Variants in TNR observed in about 807,000 individuals in gnomAD.
TNR encodes the protein tenascin-R.
In TNR, 45 loss-of-function variants were observed where a neutral mutation model predicts 150.4. That is an observed-to-expected ratio of 0.30 (90% CI 0.24 to 0.38). The LOEUF (loss-of-function observed/expected upper bound fraction) is 0.38, where lower values mean the gene tolerates loss of function less well. Among genes scored for constraint, TNR ranks in the 10% least tolerant of loss-of-function variants. The pLI is 1.00. For synonymous variants in TNR, 687 were observed against 678.4 expected (o/e 1.01, Z -0.20); for missense variants, 1,544 against 1,759.1 (o/e 0.88, Z 2.19).
At chr1:175,438,926 TATC>T (rs945460017) in intron 2 of TNR, among the ~76,000 whole-genome samples, 28 of 152,186 alleles carry the variant, frequency 1.8e-4, no homozygotes, top group Non-Finnish European at 3.2e-4. Context: ...GAAGAATCAA[TATC>T]ATGAAAATGG....
At chr1:175,586,499 C>T (rs1212020952) in intron 1 of TNR, among the ~76,000 whole-genome samples, 1 of 152,146 alleles carries the variant, frequency 6.6e-6, no homozygotes, top group East Asian at 1.9e-4. Context: ...CAAGGTTTCA[C>T]CACGTTGGCC....
intron 1 of TNR, among the ~76,000 whole-genome samples, chr1:175,646,480 T>A (rs1446118758): frequency 6.6e-6 from 1 of 152,166 alleles, no homozygotes; most frequent in Admixed American, 6.5e-5. Flanking sequence ...CATTAGAGAC[T>A]CCCTCTTGTA....
chr1:175,339,956 T>C (rs911691689), intron 18 of TNR, among the ~76,000 whole-genome samples: 2 of 152,238 alleles, frequency 1.3e-5, no homozygotes, highest in Non-Finnish European at 2.9e-5. Context: ...TCAAACATAT[T>C]AGTTGCTTTA....
intron 1 of TNR, among the ~76,000 whole-genome samples, chr1:175,661,052 C>T (rs1359947843): frequency 1.3e-5 from 2 of 152,154 alleles, no homozygotes; most frequent in African/African-American, 2.4e-5. Flanking sequence ...TGGGTTTGGG[C>T]GGTGCCCCCA....
intron 1 of TNR, among the ~76,000 whole-genome samples, chr1:175,595,175 A>T (rs1662960874): frequency 6.6e-6 from 1 of 152,200 alleles, no homozygotes; most frequent in African/African-American, 2.4e-5. Context: ...TCAAAAAAAA[A>T]TTATTTTAGG....
At chr1:175,688,320 C>T (rs973620817) in intron 1 of TNR, among the ~76,000 whole-genome samples, 1 of 152,206 alleles carries the variant, frequency 6.6e-6, no homozygotes, top group Non-Finnish European at 1.5e-5. Flanking sequence ...TCAGAATCAG[C>T]CCTGACTTAA....
chr1:175,496,853 A>T (rs575310869), intron 2 of TNR, among the ~76,000 whole-genome samples: 1 of 152,328 alleles, frequency 6.6e-6, no homozygotes, highest in East Asian at 1.9e-4. Context: ...TCCTCATAAC[A>T]ACCCTGTGAG....
intron 1 of TNR, among the ~76,000 whole-genome samples, chr1:175,675,570 T>C (rs760322307): frequency 2.6e-5 from 4 of 152,194 alleles, no homozygotes; most frequent in Non-Finnish European, 5.9e-5. Context: ...CAGAAGCATG[T>C]AAGGTGTACA....
intron 21 of TNR, among the ~76,000 whole-genome samples, chr1:175,326,427 T>C (rs1263425258): frequency 1.3e-5 from 2 of 152,170 alleles, no homozygotes; most frequent in African/African-American, 4.8e-5. Context: ...CCACCACAAC[T>C]TAACTCTCAG....
Position 175,422,954 on chromosome 1 carries a change from T to C in TNR, c.-63-16177A>G, listed in dbSNP as rs541628730. Among the ~76,000 whole-genome samples the C allele has an allele frequency of 3.3e-5, 5 of 152,332 alleles. No homozygotes were observed. The East Asian group carries it at 9.6e-4, about 29-fold the overall frequency. On this transcript the variant is annotated intron_variant, in intron 2 of 22. Transcript: ENST00000367674. ...CCAGGGGTCTCCATCAGGGAGATTC[T>C]AGAGAAGGGTCATTGCCTGGTGAAC...
At chr1:175,657,879 A>ATATATATATATATATG (rs1257413429) in intron 1 of TNR, among the ~76,000 whole-genome samples, 2 of 121,106 alleles carry the variant, frequency 1.7e-5, no homozygotes, top group African/African-American at 6.0e-5. Context: ...ATATATATAT[A>ATATATATATATATATG]TATATGTAAC....
At chr1:175,497,280 G>T (rs1658528885) in intron 2 of TNR, among the ~76,000 whole-genome samples, 1 of 152,212 alleles carries the variant, frequency 6.6e-6, no homozygotes, top group African/African-American at 2.4e-5. Context: ...AACTCTGAGA[G>T]ATCATGTGCT....
intron 2 of TNR, among the ~76,000 whole-genome samples, chr1:175,521,243 C>T (rs1160281107): frequency 6.6e-6 from 1 of 152,198 alleles, no homozygotes; most frequent in Non-Finnish European, 1.5e-5. Flanking sequence ...TCATTTCTCA[C>T]AGAGCCTCCT....
chr1:175,331,156 T>TCTCTCTCTTTC (rs1649878140), intron 20 of TNR, among the ~76,000 whole-genome samples: 3 of 104,628 alleles, frequency 2.9e-5, no homozygotes, highest in East Asian at 2.9e-4. Context: ...CCTTTCTTTC[T>TCTCTCTCTTTC]TTTTCTTTCC....
chr1:175,502,763 C>A (rs1417541716), intron 2 of TNR, among the ~76,000 whole-genome samples: 3 of 152,024 alleles, frequency 2.0e-5, no homozygotes, highest in African/African-American at 7.2e-5. Flanking sequence ...TAAGGAAGCC[C>A]AGATGAAAGT....
chr1:175,492,247 A>T (rs1658292151), intron 2 of TNR, among the ~76,000 whole-genome samples: 1 of 152,204 alleles, frequency 6.6e-6, no homozygotes, highest in African/African-American at 2.4e-5. Flanking sequence ...TGCATGTGCT[A>T]CTATCATTTA....
chr1:175,636,010 A>G (rs1312308486), intron 1 of TNR, among the ~76,000 whole-genome samples: 1 of 152,164 alleles, frequency 6.6e-6, no homozygotes, highest in Non-Finnish European at 1.5e-5. Flanking sequence ...AGGCCATACC[A>G]TGGGTGCCAG....
intron 1 of TNR, among the ~76,000 whole-genome samples, chr1:175,640,775 ATG>A (rs147075678): frequency 0.084 from 12,599 of 150,822 alleles, 551 homozygotes; most frequent in Non-Finnish European, 0.095. Flanking sequence ...AAATATATAT[ATG>A]TGTGTGTGTG....
At chr1:175,675,424 A>G (rs1198452098) in intron 1 of TNR, among the ~76,000 whole-genome samples, 1 of 151,868 alleles carries the variant, frequency 6.6e-6, no homozygotes, top group African/African-American at 2.4e-5. Context: ...TGCATTCATG[A>G]CTCCCCTTAA....
Sources: allele counts gnomAD v4.1 joint callset (sites outside exome capture counted in the v4.1 genomes callset), GRCh38; gene constraint gnomAD v4.1.1; transcripts MANE v1.5; gene names NCBI Gene and HGNC (gene_info 2026-07-23, HGNC 2026-07-21).